Variants in PTPRD observed in about 807,000 individuals in gnomAD.
PTPRD encodes receptor-type tyrosine-protein phosphatase delta.
A neutral mutation model predicts 214.5 loss-of-function variants in PTPRD; 34 were observed. The ratio of observed to expected loss-of-function variants is 0.16; its 90% confidence interval spans 0.12 to 0.21. PTPRD has a LOEUF of 0.21. Among genes scored for constraint, PTPRD ranks in the 10% least tolerant of loss-of-function variants. PTPRD has a pLI of 1.00. For missense variants in PTPRD, 2,545 were observed against 2,398.7 expected (o/e 1.06, Z -1.27); for synonymous variants, 1,128 against 845.7 (o/e 1.33, Z -5.79).
chr9:10,278,270 T>C (rs892893963), intron 3 of PTPRD, among the ~76,000 whole-genome samples: 2 of 152,264 alleles, frequency 1.3e-5, no homozygotes, highest in Admixed American at 6.5e-5. Flanking sequence ...ATACTTTTCA[T>C]CTTCCAGATT....
intron 35 of PTPRD, among the ~76,000 whole-genome samples, chr9:8,429,903 T>C (rs1373812472): frequency 1.3e-5 from 2 of 152,214 alleles, no homozygotes; most frequent in Admixed American, 6.5e-5. Flanking sequence ...AATACATAGC[T>C]TTAAGGTAAT....
chr9:9,429,989 C>G (rs1484922144), intron 8 of PTPRD, among the ~76,000 whole-genome samples: 3 of 152,124 alleles, frequency 2.0e-5, no homozygotes, highest in Non-Finnish European at 4.4e-5. Context: ...TGAAAACTGG[C>G]ACAAGACAGG....
intron 4 of PTPRD, among the ~76,000 whole-genome samples, chr9:10,015,154 G>C (rs1341685807): frequency 6.6e-6 from 1 of 151,978 alleles, no homozygotes; most frequent in African/African-American, 2.4e-5. Flanking sequence ...GATTTTATAG[G>C]CTTAATGGCT....
intron 31 of PTPRD, among the ~76,000 whole-genome samples, chr9:8,469,814 C>A (rs1053479472): frequency 6.6e-6 from 1 of 152,020 alleles, no homozygotes; most frequent in East Asian, 1.9e-4. Context: ...CGTCTGAACA[C>A]GATCAAATTT....
intron 19 of PTPRD, among the ~76,000 whole-genome samples, chr9:8,522,018 C>T (rs1012236822): frequency 6.6e-6 from 1 of 152,202 alleles, no homozygotes; most frequent in Admixed American, 6.5e-5. Flanking sequence ...TGGGACCACA[C>T]TGTCACATCC....
intron 7 of PTPRD, among the ~76,000 whole-genome samples, chr9:9,718,996 G>T (rs1031454916): frequency 2.0e-5 from 3 of 152,186 alleles, no homozygotes; most frequent in Non-Finnish European, 2.9e-5. Flanking sequence ...CTGAAGCCTG[G>T]GGGCCAGGAT....
chr9:10,046,970 A>G (rs1004602357), intron 3 of PTPRD, among the ~76,000 whole-genome samples: 14 of 151,988 alleles, frequency 9.2e-5, no homozygotes, highest in African/African-American at 3.1e-4. Flanking sequence ...AAGTAGATCA[A>G]ATATGCATGG....
At chr9:8,491,508 T>G (rs540407559) in intron 27 of PTPRD, among the ~76,000 whole-genome samples, 2 of 152,112 alleles carry the variant, frequency 1.3e-5, no homozygotes, top group African/African-American at 2.4e-5. Flanking sequence ...GTAAATAAAA[T>G]GTATTTTCTT....
chr9:10,064,560 T>A (rs1398945752), intron 3 of PTPRD, among the ~76,000 whole-genome samples: 1 of 151,930 alleles, frequency 6.6e-6, no homozygotes, highest in Admixed American at 6.6e-5. Context: ...TCATCACAAA[T>A]TCTACAAGCC....
intron 4 of PTPRD, among the ~76,000 whole-genome samples, chr9:9,956,677 T>C (rs143097711): frequency 7.0e-4 from 106 of 152,224 alleles, no homozygotes; most frequent in African/African-American, 2.2e-3. Flanking sequence ...GACAAGGGAA[T>C]GGCCCATACA....
chr9:8,478,341 C>T (rs1172688179), intron 30 of PTPRD, among the ~76,000 whole-genome samples: 1 of 152,088 alleles, frequency 6.6e-6, no homozygotes, highest in Non-Finnish European at 1.5e-5. Flanking sequence ...GTAAGCCATG[C>T]TTCCACAAAA....
At chr9:10,309,971 T>G (rs1279728103) in intron 3 of PTPRD, among the ~76,000 whole-genome samples, 1 of 152,066 alleles carries the variant, frequency 6.6e-6, no homozygotes, top group Non-Finnish European at 1.5e-5. Flanking sequence ...AAACTTTTAA[T>G]GAAATAATAT....
intron 39 of PTPRD, among the ~76,000 whole-genome samples, chr9:8,367,339 G>A (rs1048753724): frequency 2.6e-5 from 4 of 151,998 alleles, no homozygotes; most frequent in African/African-American, 4.8e-5. Flanking sequence ...ATGTAGGGGC[G>A]ATTTTATATC....
At chr9:10,514,736 G>C (rs184798150) in intron 2 of PTPRD, among the ~76,000 whole-genome samples, 129 of 151,848 alleles carry the variant, frequency 8.5e-4, no homozygotes, top group Middle Eastern at 6.8e-3. Context: ...ATAAATTTAC[G>C]TATAAGCAAG....
chr9:8,700,103 C>A (rs1311071210), intron 12 of PTPRD, among the ~76,000 whole-genome samples: 4 of 152,156 alleles, frequency 2.6e-5, no homozygotes, highest in Non-Finnish European at 5.9e-5. Flanking sequence ...ATCCCATGGG[C>A]CATTTCAAAT....
At chr9:9,427,982 T>C (rs756395705) in intron 8 of PTPRD, among the ~76,000 whole-genome samples, 2 of 152,096 alleles carry the variant, frequency 1.3e-5, no homozygotes, top group Non-Finnish European at 2.9e-5. Flanking sequence ...AGACCATCAA[T>C]GCTAGGAAGA....
At chr9:9,264,033 T>C (rs558069104) in intron 9 of PTPRD, among the ~76,000 whole-genome samples, 3 of 151,778 alleles carry the variant, frequency 2.0e-5, no homozygotes, top group South Asian at 4.1e-4. Flanking sequence ...TTGGTGAAGG[T>C]ATTTCTTTCC....
chr9:9,187,117 A>G (rs2099932122), intron 9 of PTPRD, among the ~76,000 whole-genome samples: 1 of 152,040 alleles, frequency 6.6e-6, no homozygotes, highest in Admixed American at 6.6e-5. Flanking sequence ...TTTACTTCCT[A>G]TCAATTTTAT....
chr9:8,552,605 C>T (rs899896919), intron 14 of PTPRD, among the ~76,000 whole-genome samples: 9 of 152,048 alleles, frequency 5.9e-5, no homozygotes, highest in Non-Finnish European at 1.2e-4. Context: ...ATCCAACCAG[C>T]GACCAGATCA....
Sources: gnomAD v4.1 joint callset for allele counts (sites outside exome capture counted in the v4.1 genomes callset) on GRCh38, gnomAD v4.1.1 for gene constraint, MANE v1.5 for transcripts, NCBI Gene and HGNC (gene_info 2026-07-23, HGNC 2026-07-21) for gene names.